ABCC9: variants seen among roughly 807,000 people sequenced by gnomAD.
ABCC9 encodes ATP binding cassette subfamily C member 9, also known as ATP-binding cassette sub-family C member 9.
In ABCC9, 95 loss-of-function variants were observed where a neutral mutation model predicts 188.3. That is an observed-to-expected ratio of 0.50 (90% confidence interval 0.43 to 0.60). The LOEUF (loss-of-function observed/expected upper bound fraction) is 0.60. Among genes scored for constraint, ABCC9 ranks in the 20% least tolerant of loss-of-function variants. The pLI is 0.00. For missense variants in ABCC9, 1,102 were observed against 1,876.3 expected, an observed-to-expected ratio of 0.59 and a Z score of 7.62; for synonymous variants, 659 against 652.7, an observed-to-expected ratio of 1.01 and a Z score of -0.15.
intron 31 of ABCC9, among the ~76,000 whole-genome samples, chr12:21,825,017 T>C (rs1943286039): frequency 6.6e-6 from 1 of 152,140 alleles, no homozygotes; most frequent in Admixed American, 6.6e-5. Context: ...GGGTTTTTCA[T>C]GTCTCTATCT....
At chr12:21,839,190 C>G (rs704176) in intron 29 of ABCC9, among the ~76,000 whole-genome samples, 85,257 of 152,008 alleles carry the variant, frequency 0.56, 24,371 homozygotes, top group Admixed American at 0.64. Context: ...TAATGTGATG[C>G]TGGTCAAGTT....
intron 31 of ABCC9, among the ~76,000 whole-genome samples, chr12:21,823,244 G>A (rs935312938): frequency 3.9e-5 from 6 of 152,158 alleles, no homozygotes; most frequent in Admixed American, 2.0e-4. Flanking sequence ...TTCCCATGTC[G>A]AAAGAGAGGT....
In ABCC9 at chr12:21,906,291, A is replaced by G. The variant is rs759866398; in HGVS notation, c.1456-3T>C. On this transcript the variant is annotated splice_polypyrimidine_tract_variant and splice_region_variant and intron_variant, in intron 11 of 39. Coordinates refer to ENST00000261200, the MANE Select transcript of ABCC9 (RefSeq NM_020297.4). The stretch of plus-strand genomic sequence containing the variant: ...TTGAGTCTCTCAGTGGAATAATCCT[A>G]TAAAACAAAGGAAGAAAAATAATAC... 10 of 1,605,986 alleles carry G rather than the reference A, an allele frequency of 6.2e-6. No individual in the cohort carries two copies. Among genetic ancestry groups the G allele is most frequent in the South Asian group, 1.1e-5 (1 of 90,430 alleles).
chr12:21,808,599 G>A (rs969237739), intron 37 of ABCC9, among the ~76,000 whole-genome samples: 3 of 151,756 alleles, frequency 2.0e-5, no homozygotes, highest in Admixed American at 2.0e-4. Context: ...CTTTCCACAG[G>A]AGACATCAAA....
chr12:21,901,462 C>G (rs1372459592), intron 12 of ABCC9, among the ~76,000 whole-genome samples: 1 of 152,064 alleles, frequency 6.6e-6, no homozygotes, highest in African/African-American at 2.4e-5. Context: ...CAATATTAAC[C>G]TTAAAAGTAA....
chr12:21,842,576 C>A, intron 28 of ABCC9, 105 bp from the exon 29 acceptor site: 1 of 1,133,904 alleles, frequency 8.8e-7, no homozygotes, highest in East Asian at 2.4e-5. Flanking sequence ...AGTTAACTAC[C>A]AAAGTAGTGT....
intron 17 of ABCC9, among the ~76,000 whole-genome samples, chr12:21,873,669 A>G (rs528405519): frequency 2.0e-5 from 3 of 152,306 alleles, no homozygotes; most frequent in Admixed American, 6.5e-5. Flanking sequence ...AAAATATATT[A>G]CAAACCTACG....
intron 4 of ABCC9, 32 bp from the exon 5 acceptor site, chr12:21,926,095 T>C: frequency 6.2e-7 from 1 of 1,613,836 alleles, no homozygotes; most frequent in Non-Finnish European, 8.5e-7. Context: ...CGCCTAAAGC[T>C]GATGGTTCCA....
At chr12:21,806,657 G>A (rs984454081) in intron 38 of ABCC9, among the ~76,000 whole-genome samples, 6 of 151,972 alleles carry the variant, frequency 3.9e-5, no homozygotes, top group Admixed American at 2.0e-4. Flanking sequence ...CTCTGTTGAG[G>A]CAGTATTACC....
At chr12:21,838,883 A>G (rs1944238542) in intron 29 of ABCC9, among the ~76,000 whole-genome samples, 1 of 152,172 alleles carries the variant, frequency 6.6e-6, no homozygotes. Flanking sequence ...AAAATTAGCC[A>G]GCCGTGGTGG....
chr12:21,878,624 G>A (rs890993419), intron 16 of ABCC9, among the ~76,000 whole-genome samples: 2 of 152,182 alleles, frequency 1.3e-5, no homozygotes, highest in African/African-American at 4.8e-5. Context: ...AGTGAAGGTG[G>A]AAGAGTGATT....
At chr12:21,915,530 T>TTTTTTTTTTTG in intron 7 of ABCC9, 138 bp downstream of exon 7, 1 of 169,246 alleles carries the variant, frequency 5.9e-6, no homozygotes, top group Non-Finnish European at 1.1e-5. Context: ...TTTTTTTTTT[T>TTTTTTTTTTTG]GAGACAGAGT....
At chr12:21,915,223 A>ATGTGTGTGTGTGTGTG (rs1177922394) in intron 7 of ABCC9, among the ~76,000 whole-genome samples, 1 of 117,154 alleles carries the variant, frequency 8.5e-6, no homozygotes, top group Non-Finnish European at 1.7e-5. Context: ...CTTTATATAT[A>ATGTGTGTGTGTGTGTG]TATGTGTGTG....
intron 30 of ABCC9, among the ~76,000 whole-genome samples, chr12:21,833,043 G>C (rs760214556): frequency 1.3e-5 from 2 of 152,188 alleles, no homozygotes; most frequent in Non-Finnish European, 2.9e-5. Flanking sequence ...AATATCATAT[G>C]TTCTCATTTA....
intron 33 of ABCC9, 71 bp downstream of exon 33, chr12:21,817,113 CAAT>C (rs1336120010): frequency 6.6e-7 from 1 of 1,526,622 alleles, no homozygotes; most frequent in South Asian, 1.1e-5. Context: ...GCAGAAACAA[CAAT>C]GTGCCCAACA....
At chr12:21,876,064 T>C (rs2137606319) in intron 16 of ABCC9, among the ~76,000 whole-genome samples, 1 of 151,782 alleles carries the variant, frequency 6.6e-6, no homozygotes, top group Non-Finnish European at 1.5e-5. Flanking sequence ...AAAAATAAAA[T>C]AAAATAAAAT....
chr12:21,815,969 A>T (rs1942586863), intron 33 of ABCC9, 76 bp from the exon 34 acceptor site: 1 of 1,150,588 alleles, frequency 8.7e-7, no homozygotes, highest in African/African-American at 1.6e-5. Flanking sequence ...ATACATACTT[A>T]AATACATTTA....
At chr12:21,913,729 T>C (rs1304393487) in intron 7 of ABCC9, among the ~76,000 whole-genome samples, 3 of 152,106 alleles carry the variant, frequency 2.0e-5, no homozygotes, top group East Asian at 3.9e-4. Flanking sequence ...ACAGCTATAG[T>C]TGTTTGTTGT....
At chr12:21,896,776 T>C (rs1328709631) in intron 12 of ABCC9, among the ~76,000 whole-genome samples, 1 of 152,246 alleles carries the variant, frequency 6.6e-6, no homozygotes, top group Non-Finnish European at 1.5e-5. Context: ...GGCTGCATAG[T>C]ATTCCATGGT....
Sources: gnomAD v4.1 joint callset for allele counts (sites outside exome capture counted in the v4.1 genomes callset) on GRCh38, gnomAD v4.1.1 for gene constraint, MANE v1.5 for transcripts, NCBI Gene and HGNC (gene_info 2026-07-23, HGNC 2026-07-21) for gene names.